TRIO: variants seen among roughly 807,000 people sequenced by gnomAD.
TRIO encodes trio Rho guanine nucleotide exchange factor.
In TRIO, 58 loss-of-function variants were observed where a neutral mutation model predicts 351.9. The ratio of observed to expected loss-of-function variants is 0.16; its 90% CI spans 0.13 to 0.21. The LOEUF (loss-of-function observed/expected upper bound fraction) is 0.21, where lower values mean the gene tolerates loss of function less well. Among genes scored for constraint, TRIO ranks in the 10% least tolerant of loss-of-function variants. The pLI is 1.00. For missense variants in TRIO, 3,201 were observed against 4,027.8 expected, an observed-to-expected ratio of 0.79 and a Z score of 5.56; for synonymous variants, 1,758 against 1,595.7, an observed-to-expected ratio of 1.10 and a Z score of -2.42.
chr5:14,240,842 C>G (rs911554007), intron 1 of TRIO, among the ~76,000 whole-genome samples: 8 of 152,166 alleles, frequency 5.3e-5, no homozygotes, highest in African/African-American at 1.9e-4. Context: ...TCCCCCCCAC[C>G]CCTTTTTTAA....
intron 29 of TRIO, chr5:14,397,416 G>T (rs1747700136): frequency 2.8e-6 from 1 of 361,656 alleles, no homozygotes. Context: ...GTCGCTTGCT[G>T]CAGGCCACCT....
At position 14,462,934 on chromosome 5, in the gene TRIO, G is replaced by A; in HGVS notation, c.5667+9G>A. ...ACTCACAGGATGACAAGGTAAAGGG[G>A]GATGAGGGCTGGGGAATCCATGCCT... On this transcript the variant is annotated intron_variant, in intron 36 of 56. Transcript: ENST00000344204. The A allele has an allele frequency of 6.4e-7, 1 of 1,574,522 alleles. No homozygotes were observed. Among genetic ancestry groups the A allele is most frequent in the Non-Finnish European group, 8.6e-7 (1 of 1,161,940 alleles).
chr5:14,192,150 AT>A (rs1790498316), intron 1 of TRIO, among the ~76,000 whole-genome samples: 2 of 152,208 alleles, frequency 1.3e-5, no homozygotes, highest in South Asian at 4.1e-4. Context: ...TATATACATT[AT>A]CTCATTCCAG....
intron 33 of TRIO, among the ~76,000 whole-genome samples, chr5:14,415,274 A>C (rs1315310261): frequency 1.3e-5 from 2 of 152,178 alleles, no homozygotes; most frequent in Non-Finnish European, 2.9e-5. Context: ...TTGAAGTAGA[A>C]TTGTTTGCAG....
At chr5:14,326,812 A>G (rs925014632) in intron 9 of TRIO, among the ~76,000 whole-genome samples, 10 of 152,232 alleles carry the variant, frequency 6.6e-5, no homozygotes, top group African/African-American at 2.4e-4. Context: ...TACTTAGACC[A>G]GGTATATTGA....
At chr5:14,472,746 A>G (rs988953883) in intron 39 of TRIO, 88 bp downstream of exon 39, 15 of 1,361,296 alleles carry the variant, frequency 1.1e-5, no homozygotes, top group Non-Finnish European at 7.1e-6. Context: ...ACACCTCTCA[A>G]AAGCTTTAAA....
At chr5:14,220,527 A>T (rs1792550882) in intron 1 of TRIO, among the ~76,000 whole-genome samples, 1 of 152,262 alleles carries the variant, frequency 6.6e-6, no homozygotes, top group African/African-American at 2.4e-5. Flanking sequence ...TTGAAAGCTG[A>T]GACAGGCCAA....
chr5:14,284,047 C>G (rs356025), intron 3 of TRIO, among the ~76,000 whole-genome samples: 103 of 152,218 alleles, frequency 6.8e-4, no homozygotes, highest in African/African-American at 2.5e-3. Context: ...ACTCTTACTC[C>G]TTGTTGTCCA....
chr5:14,265,934 T>A (rs2152265924), intron 1 of TRIO, among the ~76,000 whole-genome samples: 1 of 152,266 alleles, frequency 6.6e-6, no homozygotes, highest in South Asian at 2.1e-4. Flanking sequence ...AAAACAAAAA[T>A]AGAAAGTACT....
In TRIO at chr5:14,315,251, C is replaced by CTTT. The variant is rs761690853; in HGVS notation, c.1501-1247_1501-1245dup. On this transcript the variant is annotated intron_variant, in intron 8 of 56. Coordinates refer to ENST00000344204, the MANE Select transcript of TRIO (RefSeq NM_007118.4). ...TAAAAGTGCCCCTGAACTTGCTCCT[C>CTTT]TTTTTTTTTTTTTTTTTGAGATGGA... Among the ~76,000 whole-genome samples the CTTT allele has an allele frequency of 2.1e-3, 287 of 137,602 alleles. 1 individual carries two copies. Among genetic ancestry groups the CTTT allele is most frequent in the African/African-American group, 7.1e-3 (262 of 37,056 alleles). The allele number at this position is 137,602 out of a possible 152,430, so 90.3% of individuals were successfully genotyped here.
intron 1 of TRIO, among the ~76,000 whole-genome samples, chr5:14,270,299 G>A (rs1795906400): frequency 6.6e-6 from 1 of 152,150 alleles, no homozygotes; most frequent in Non-Finnish European, 1.5e-5. Context: ...CAGAAAGCCT[G>A]GAAGGAGAAA....
chr5:14,223,393 G>A (rs1052511159), intron 1 of TRIO, among the ~76,000 whole-genome samples: 2 of 152,160 alleles, frequency 1.3e-5, no homozygotes, highest in Admixed American at 6.5e-5. Context: ...AGATCTCAGC[G>A]TGCACTTTGA....
At chr5:14,350,077 G>T (rs1262918043) in intron 11 of TRIO, among the ~76,000 whole-genome samples, 3 of 152,168 alleles carry the variant, frequency 2.0e-5, no homozygotes. Context: ...TGACTGCATA[G>T]TATACTCTGA....
intron 49 of TRIO, among the ~76,000 whole-genome samples, chr5:14,495,657 A>T (rs942061957): frequency 8.7e-6 from 1 of 115,060 alleles, no homozygotes; most frequent in Non-Finnish European, 1.8e-5. Context: ...CGTCTCTACT[A>T]GAAAAAAAAA....
intron 2 of TRIO, among the ~76,000 whole-genome samples, chr5:14,271,676 A>G (rs999742396): frequency 3.3e-5 from 5 of 152,238 alleles, no homozygotes. Context: ...ATCAGGAAGT[A>G]CATCTGTAGA....
chr5:14,252,797 G>A (rs1033614848), intron 1 of TRIO, among the ~76,000 whole-genome samples: 1 of 151,644 alleles, frequency 6.6e-6, no homozygotes, highest in African/African-American at 2.4e-5. Flanking sequence ...GAGGGACGAG[G>A]TTGTGCAGCC....
At chr5:14,489,106 G>A in intron 48 of TRIO, 1 of 748,896 alleles carries the variant, frequency 1.3e-6, no homozygotes, top group South Asian at 1.4e-5. Flanking sequence ...GTGTATGTTT[G>A]AACGCTTTAT....
At chr5:14,219,037 G>A (rs1283587935) in intron 1 of TRIO, among the ~76,000 whole-genome samples, 1 of 152,190 alleles carries the variant, frequency 6.6e-6, no homozygotes, top group African/African-American at 2.4e-5. Flanking sequence ...CTTGGTCAAG[G>A]TGAAATCTGG....
intron 34 of TRIO, among the ~76,000 whole-genome samples, chr5:14,421,600 T>C (rs1750162778): frequency 8.1e-6 from 1 of 122,966 alleles, no homozygotes; most frequent in African/African-American, 4.4e-5. Context: ...CAAGACTCCA[T>C]CTGAAAAAAA....
Sources: gnomAD v4.1 joint callset for allele counts (sites outside exome capture counted in the v4.1 genomes callset) on GRCh38, gnomAD v4.1.1 for gene constraint, MANE v1.5 for transcripts, NCBI Gene and HGNC (gene_info 2026-07-23, HGNC 2026-07-21) for gene names.